Variants in MAGI2 observed in about 807,000 individuals in gnomAD.
MAGI2 encodes the protein membrane associated guanylate kinase, WW and PDZ domain containing 2, also known as membrane-associated guanylate kinase, WW and PDZ domain-containing protein 2.
In MAGI2, 35 loss-of-function variants were observed where a neutral mutation model predicts 133.3. That is an observed-to-expected ratio of 0.26 (90% CI 0.20 to 0.35). The LOEUF (loss-of-function observed/expected upper bound fraction) is 0.35, where lower values mean the gene tolerates loss of function less well. MAGI2 is among the 10% of genes least tolerant of loss of function. The pLI, the probability that MAGI2 is intolerant of heterozygous loss-of-function variation, is 1.00. For synonymous variants in MAGI2, 729 were observed against 710.6 expected (o/e 1.03, Z -0.41); for missense variants, 1,636 against 1,863.4 (o/e 0.88, Z 2.25).
chr7:78,479,728 G>A (rs61543530), intron 6 of MAGI2, among the ~76,000 whole-genome samples: 4,628 of 151,846 alleles, frequency 0.03, 230 homozygotes, highest in African/African-American at 0.11. Flanking sequence ...CATAAATATA[G>A]GCCATGAGCC....
chr7:78,352,733 AC>A (rs1280243935), intron 7 of MAGI2: 2 of 152,148 alleles, frequency 1.3e-5, no homozygotes, highest in Non-Finnish European at 2.9e-5. Flanking sequence ...CCTCTACTCC[AC>A]ACTAGGTTGA....
At chr7:79,450,847 C>G (rs576336112) in intron 1 of MAGI2, among the ~76,000 whole-genome samples, 27 of 152,228 alleles carry the variant, frequency 1.8e-4, no homozygotes, top group African/African-American at 6.5e-4. Context: ...AGGGTGCTCA[C>G]AAATTTTTGG....
intron 1 of MAGI2, among the ~76,000 whole-genome samples, chr7:79,222,925 C>T (rs1830555168): frequency 6.6e-6 from 1 of 151,986 alleles, no homozygotes. Flanking sequence ...CACTCTGTCG[C>T]CCAGGCTGGA....
chr7:78,577,035 G>A (rs1202610194), intron 3 of MAGI2, among the ~76,000 whole-genome samples: 1 of 152,048 alleles, frequency 6.6e-6, no homozygotes, highest in Non-Finnish European at 1.5e-5. Flanking sequence ...TTTGTTATAG[G>A]GGTGTCAGCC....
rs561811704 is a variant in MAGI2, at chr7:78,895,095, G to A, written c.418+111995C>T. ...CATTCATGGCTTCATGGATTAATGG[G>A]TTAATGAATTAATGGGTTAATAGGT... is the stretch of plus-strand genomic sequence containing the variant. On this transcript the variant is annotated intron_variant, in intron 2 of 21. Transcript: ENST00000354212. 2.6e-5 allele frequency among the ~76,000 whole-genome samples: 4 copies of A among 152,224 alleles called. No homozygotes were observed. The South Asian group carries it at 8.3e-4, about 32-fold the overall frequency.
chr7:78,897,015 A>T (rs1797266247), intron 2 of MAGI2, among the ~76,000 whole-genome samples: 1 of 152,314 alleles, frequency 6.6e-6, no homozygotes, highest in East Asian at 1.9e-4. Context: ...CAAGGAATAT[A>T]TTTTATAAAT....
At chr7:78,295,201 G>T (rs532587410) in intron 9 of MAGI2, among the ~76,000 whole-genome samples, 1 of 152,260 alleles carries the variant, frequency 6.6e-6, no homozygotes, top group East Asian at 1.9e-4. Flanking sequence ...TATCCATGCT[G>T]CTGGCTTAGA....
intron 1 of MAGI2, among the ~76,000 whole-genome samples, chr7:79,022,676 TGA>T (rs1169508919): frequency 7.4e-5 from 9 of 121,860 alleles, no homozygotes; most frequent in Admixed American, 1.6e-4. Context: ...CATTCAGAAA[TGA>T]CAAAGGGGAC....
chr7:79,001,421 G>A (rs1312884591), intron 2 of MAGI2, among the ~76,000 whole-genome samples: 10 of 152,102 alleles, frequency 6.6e-5, no homozygotes, highest in Non-Finnish European at 1.0e-4. Context: ...TTTAAAATTG[G>A]TCATTGAAGT....
intron 6 of MAGI2, among the ~76,000 whole-genome samples, chr7:78,373,510 A>T (rs2361380): frequency 0.77 from 116,662 of 152,036 alleles, 45,003 homozygotes; most frequent in African/African-American, 0.84. Flanking sequence ...CTAAAATAGC[A>T]TCAAAACGAA....
intron 1 of MAGI2, among the ~76,000 whole-genome samples, chr7:79,234,598 C>T (rs1202238480): frequency 2.6e-5 from 4 of 152,094 alleles, no homozygotes; most frequent in Non-Finnish European, 5.9e-5. Flanking sequence ...GCTCCTGAGG[C>T]TTCTGCATTC....
chr7:78,246,684 T>G (rs746832473), intron 10 of MAGI2, among the ~76,000 whole-genome samples: 1 of 152,186 alleles, frequency 6.6e-6, no homozygotes, highest in African/African-American at 2.4e-5. Flanking sequence ...GATGCTGCTG[T>G]GTTCCACCAC....
intron 9 of MAGI2, among the ~76,000 whole-genome samples, chr7:78,323,757 T>C (rs996891819): frequency 1.3e-5 from 2 of 152,224 alleles, no homozygotes; most frequent in African/African-American, 4.8e-5. Flanking sequence ...GACATAAAAA[T>C]TATTGCATAG....
At chr7:78,020,303 C>T (rs956695454) in intron 21 of MAGI2, among the ~76,000 whole-genome samples, 2 of 152,206 alleles carry the variant, frequency 1.3e-5, no homozygotes, top group African/African-American at 4.8e-5. Context: ...CCTGTATAGA[C>T]AGCTCACTTG....
At position 78,255,843 on chromosome 7, in the gene MAGI2, A is replaced by G. The variant is rs1212664422; in HGVS notation, c.2047+100T>C. ...TTTAAGCTTTATTTTTTAAAGTATA[A>G]TTTCATTCAACTCCAAGGAAATCTG... is the stretch of plus-strand genomic sequence containing the variant. On this transcript the variant is annotated intron_variant, in intron 10 of 21. Coordinates refer to ENST00000354212, the MANE Select transcript of MAGI2 (RefSeq NM_012301.4). 2.5e-6 allele frequency: 3 copies of G among 1,224,276 alleles called. No individual in the cohort carries two copies. In the African/African-American group the frequency reaches 4.5e-5, roughly 18 times the overall value. 75.8% of individuals were successfully genotyped at this position (1,224,276 alleles called of 1,614,324 possible).
At chr7:79,168,934 A>ATATATATATAT (rs1444243887) in intron 1 of MAGI2, among the ~76,000 whole-genome samples, 2 of 133,332 alleles carry the variant, frequency 1.5e-5, no homozygotes, top group African/African-American at 2.9e-5. Flanking sequence ...ATATATATAT[A>ATATATATATAT]AATTTTTTTT....
intron 2 of MAGI2, among the ~76,000 whole-genome samples, chr7:78,853,719 A>C (rs1176367224): frequency 6.6e-6 from 1 of 151,676 alleles, no homozygotes; most frequent in Non-Finnish European, 1.5e-5. Flanking sequence ...TTCTAAAATG[A>C]CTTTAAATGA....
chr7:78,098,198 C>T (rs1470793656), intron 20 of MAGI2, among the ~76,000 whole-genome samples: 2 of 152,124 alleles, frequency 1.3e-5, no homozygotes, highest in African/African-American at 4.8e-5. Flanking sequence ...TGCTTTCTGA[C>T]TTTATTCCTC....
chr7:79,348,859 A>G (rs574703700), intron 1 of MAGI2, among the ~76,000 whole-genome samples: 9 of 151,910 alleles, frequency 5.9e-5, no homozygotes, highest in Non-Finnish European at 1.0e-4. Context: ...TGCATTAATC[A>G]CTGTGCTCTC....
Sources: gnomAD v4.1 joint callset for allele counts (sites outside exome capture counted in the v4.1 genomes callset) on GRCh38, gnomAD v4.1.1 for gene constraint, MANE v1.5 for transcripts, NCBI Gene and HGNC (gene_info 2026-07-23, HGNC 2026-07-21) for gene names.